Variants in PIH1D2 observed in about 807,000 individuals in gnomAD.
PIH1D2 encodes PIH1 domain-containing protein 2.
In PIH1D2, 25 loss-of-function variants were observed where a neutral mutation model predicts 31.2. The observed-to-expected ratio is 0.80, with a 90% CI of 0.58 to 1.12. The LOEUF (loss-of-function observed/expected upper bound fraction) is 1.12, where lower values mean the gene tolerates loss of function less well. Among genes scored for constraint, PIH1D2 ranks in the 50% most tolerant of loss-of-function variants. PIH1D2 has a pLI of 0.00. For synonymous variants in PIH1D2, 116 were observed against 119.9 expected (o/e 0.97, Z 0.21); for missense variants, 310 against 356.6 (o/e 0.87, Z 1.05).
chr11:112,071,080 T>A lies in PIH1D2; in HGVS notation c.505A>T (p.Ile169Phe), dbSNP rs1296004753. 6 of 1,613,574 alleles carry A rather than the reference T, an allele frequency of 3.7e-6. No individual in the cohort carries two copies. Among genetic ancestry groups the A allele is most frequent in the Non-Finnish European group, 5.1e-6 (6 of 1,179,762 alleles). Reference sequence around the variant, plus strand: ...CTTAAATCTATGGAATCAGTTTGGATTCCCATCAGATTTTGTTTCATTCTT... The same window carrying A: ...CTTAAATCTATGGAATCAGTTTGGAATCCCATCAGATTTTGTTTCATTCTT... ...IQRMKQNLMG[I>F]QTDSIDLREK... is the part of the protein sequence containing the mutation. The change falls in exon 4 of 6, where the codon ATC (isoleucine) becomes TTC (phenylalanine). Residue 169 changes from isoleucine (I) to phenylalanine (F), a missense_variant. Coordinates refer to ENST00000280350, the MANE Select transcript of PIH1D2 (RefSeq NM_138789.4).
At chr11:112,059,279 G>A (rs1555182924), downstream of PIH1D2, among the ~76,000 whole-genome samples, 2 of 151,960 alleles carry the variant, frequency 1.3e-5, no homozygotes, top group African/African-American at 2.4e-5. Context: ...TTCACGTGTC[G>A]GTCAAGGCAG....
chr11:112,059,942 T>C (rs782295371), downstream of PIH1D2: 7 of 1,613,726 alleles, frequency 4.3e-6, no homozygotes, highest in South Asian at 7.7e-5. Flanking sequence ...TCAGTACTCC[T>C]GCAGGACTCA....
downstream of PIH1D2, chr11:112,064,383 A>G: frequency 1.7e-6 from 1 of 581,138 alleles, no homozygotes; most frequent in Admixed American, 3.7e-5. Context: ...TAAAGTATAA[A>G]TCTTCAATAT....
chr11:112,063,124 A>T (rs1370832891), downstream of PIH1D2: 7 of 153,274 alleles, frequency 4.6e-5, no homozygotes, highest in African/African-American at 1.7e-4. Context: ...AGACCTCTTC[A>T]GCTGATTGTT....
downstream of PIH1D2, among the ~76,000 whole-genome samples, chr11:112,058,292 G>T (rs1555182793): frequency 6.6e-6 from 1 of 152,194 alleles, no homozygotes; most frequent in Non-Finnish European, 1.5e-5. Context: ...TATTTGCTGT[G>T]TGATACCTTG....
downstream of PIH1D2, among the ~76,000 whole-genome samples, chr11:112,066,186 G>C (rs1555183820): frequency 6.6e-6 from 1 of 152,118 alleles, no homozygotes; most frequent in Non-Finnish European, 1.5e-5. Context: ...GATGTTTAAA[G>C]TCTGCATATA....
At chr11:112,056,331 A>C in the PIH1D2 span, among the ~76,000 whole-genome samples, 2 of 152,184 alleles carry the variant, frequency 1.3e-5, no homozygotes, top group Admixed American at 6.5e-5. Flanking sequence ...ACTCATGCTC[A>C]TTTATAGTAA....
At chr11:112,053,274 A>C in the PIH1D2 span, among the ~76,000 whole-genome samples, 15 of 151,994 alleles carry the variant, frequency 9.9e-5, no homozygotes, top group Non-Finnish European at 2.1e-4. Context: ...GTGAACTGAG[A>C]TTGTGCCATT....
chr11:112,054,187 G>A, the PIH1D2 span, among the ~76,000 whole-genome samples: 6 of 151,880 alleles, frequency 4.0e-5, no homozygotes, highest in Admixed American at 1.3e-4. Context: ...ATGGTGGTGC[G>A]CGCCTGTAGT....
At chr11:112,059,818 A>G, downstream of PIH1D2, 1 of 1,252,296 alleles carries the variant, frequency 8.0e-7, no homozygotes, top group Non-Finnish European at 1.1e-6. Flanking sequence ...AAATTTTTGA[A>G]GTAAATATAA....
chr11:112,066,756 G>A (rs1261547152), downstream of PIH1D2, among the ~76,000 whole-genome samples: 2 of 152,064 alleles, frequency 1.3e-5, no homozygotes, highest in African/African-American at 4.8e-5. Flanking sequence ...TGGCAGAGTT[G>A]TTTAACTGAA....
At chr11:112,056,539 G>T in the PIH1D2 span, among the ~76,000 whole-genome samples, 2 of 152,074 alleles carry the variant, frequency 1.3e-5, no homozygotes, top group Admixed American at 6.5e-5. Flanking sequence ...TTTTATTGCT[G>T]TATAGTGTTT....
At chr11:112,060,262 G>C (rs1864492800), downstream of PIH1D2, among the ~76,000 whole-genome samples, 1 of 146,146 alleles carries the variant, frequency 6.8e-6, no homozygotes, top group Non-Finnish European at 1.5e-5. Context: ...CCTGGGTTAC[G>C]CCATTCTCCT....
At chr11:112,069,644 T>G (rs1295546907) in intron 5 of PIH1D2, 2 of 152,184 alleles carry the variant, frequency 1.3e-5, no homozygotes, top group Non-Finnish European at 2.9e-5. Context: ...TCCTGAAGAC[T>G]GAAGCTAAAG....
chr11:112,061,244 C>T (rs1842911367), downstream of PIH1D2: 22 of 1,571,718 alleles, frequency 1.4e-5, no homozygotes, highest in Non-Finnish European at 1.8e-5. Context: ...CTGTGGTATC[C>T]TCAGGGGATT....
At chr11:112,064,197 C>T, downstream of PIH1D2, 2 of 1,570,930 alleles carry the variant, frequency 1.3e-6, no homozygotes, top group East Asian at 2.3e-5. Flanking sequence ...TCATCTTTCG[C>T]TAATGCTTGT....
downstream of PIH1D2, chr11:112,067,685 A>AAAAATATATATAT: frequency 2.8e-4 from 5 of 17,802 alleles, no homozygotes; most frequent in Non-Finnish European, 3.4e-4. Context: ...AAAAAAAAAA[A>AAAAATATATATAT]ATATATATAT....
intron 2 of PIH1D2, 107 bp downstream of exon 2, chr11:112,072,891 A>AAAAAC: frequency 1.9e-5 from 23 of 1,190,734 alleles, no homozygotes; most frequent in Non-Finnish European, 2.6e-5. Flanking sequence ...AAACAAAACA[A>AAAAAC]AAAAAAAACA....
downstream of PIH1D2, among the ~76,000 whole-genome samples, chr11:112,065,322 T>C (rs183375895): frequency 4.3e-4 from 66 of 152,260 alleles, no homozygotes; most frequent in African/African-American, 1.5e-3. Context: ...AGAATGTAAA[T>C]TTTACCACTT....
Sources: gnomAD v4.1 joint callset for allele counts (sites outside exome capture counted in the v4.1 genomes callset) on GRCh38, gnomAD v4.1.1 for gene constraint, MANE v1.5 for transcripts, NCBI Gene and HGNC (gene_info 2026-07-23, HGNC 2026-07-21) for gene names.